Variants in IQCH observed in about 807,000 individuals in gnomAD.
IQCH encodes the protein IQ motif containing H, also known as IQ domain-containing protein H.
Under a neutral mutation model 117.0 loss-of-function variants are expected in IQCH, and 98 were observed. The observed-to-expected ratio is 0.84, with a 90% CI of 0.71 to 0.99. The LOEUF (loss-of-function observed/expected upper bound fraction) is 0.99, where lower values mean the gene tolerates loss of function less well. Ranked by LOEUF, IQCH falls within the 50% of genes least tolerant of loss-of-function variation. The pLI is 0.00. For missense variants in IQCH, 1,102 were observed against 1,243.8 expected, an observed-to-expected ratio of 0.89 and a Z score of 1.72; for synonymous variants, 412 against 448.2, an observed-to-expected ratio of 0.92 and a Z score of 1.02.
At position 67,388,781 on chromosome 15, in the gene IQCH, A is replaced by G; in HGVS notation, c.1457-50A>G. ...CACCAATCGGATGCCAGAGTTCATA[A>G]TGTCATTTACCTTCACACCAGTAAT... On this transcript the variant is annotated intron_variant, in intron 11 of 20. Transcript: ENST00000335894. This position sits in a 1 kb window ranked among gnomAD's most constrained non-coding sequence, Gnocchi z 5.5. 1 of 1,480,288 alleles carries G rather than the reference A, an allele frequency of 6.8e-7. No individual in the cohort carries two copies. Among genetic ancestry groups the G allele is most frequent in the Middle Eastern group, 1.8e-4 (1 of 5,654 alleles). The allele number at this position is 1,480,288 out of a possible 1,614,324, so 91.7% of individuals were successfully genotyped here.
In IQCH at chr15:67,411,341, G is replaced by A. The variant is rs985893200; in HGVS notation, c.2098-5590G>A. 6.6e-5 allele frequency among the ~76,000 whole-genome samples: 10 copies of A among 152,218 alleles called. No individual in the cohort carries two copies. The highest frequency in any genetic ancestry group is 5.8e-4 in the East Asian group (3 of 5,178). On this transcript the variant is annotated intron_variant, in intron 14 of 20. Coordinates refer to ENST00000335894, the MANE Select transcript of IQCH (RefSeq NM_001031715.3). The surrounding 1 kb of genome is among the most constrained non-coding windows in gnomAD (Gnocchi z 4.4). ...TCCCAGTGTGACTGGAGAAGCCCTCGTTCCCTCTTTTGTGACATGAGGCAT... is the reference window on the plus strand; with the variant it reads ...TCCCAGTGTGACTGGAGAAGCCCTCATTCCCTCTTTTGTGACATGAGGCAT...
intron 4 of IQCH, among the ~76,000 whole-genome samples, chr15:67,308,244 G>C (rs1265737683): frequency 1.3e-5 from 2 of 152,216 alleles, no homozygotes; most frequent in African/African-American, 2.4e-5. Flanking sequence ...ACAGATGTGG[G>C]TATTCACTCA....
At chr15:67,335,071 G>A (rs1469973262) in intron 4 of IQCH, among the ~76,000 whole-genome samples, 1 of 151,490 alleles carries the variant, frequency 6.6e-6, no homozygotes, top group Non-Finnish European at 1.5e-5. Flanking sequence ...ACACACACGT[G>A]CACACACACA....
Position 67,376,359 on chromosome 15 carries a change from G to A in IQCH, c.1372+2926G>A, listed in dbSNP as rs970878168. Among the ~76,000 whole-genome samples, 9 of 152,166 alleles carry A rather than the reference G, an allele frequency of 5.9e-5. No individual in the cohort carries two copies. Among genetic ancestry groups the A allele is most frequent in the African/African-American group, 1.9e-4 (8 of 41,434 alleles). On this transcript the variant is annotated intron_variant, in intron 10 of 20. Coordinates refer to ENST00000335894, the MANE Select transcript of IQCH (RefSeq NM_001031715.3). The surrounding 1 kb of genome is among the most constrained non-coding windows in gnomAD (Gnocchi z 5.0). ...AGTGAAGCAAATTTTTTCTCTAAAT[G>A]TACTGGAAGAAAACTAATCTATTCA...
intron 6 of IQCH, among the ~76,000 whole-genome samples, chr15:67,350,416 GTTTTTGTT>G (rs1969603724): frequency 1.3e-5 from 2 of 150,900 alleles, no homozygotes; most frequent in African/African-American, 2.4e-5. Context: ...TATTGGAATT[GTTTTTGTT>G]TTTTTGTTTT....
At chr15:67,333,730 T>G (rs760553074) in intron 4 of IQCH, among the ~76,000 whole-genome samples, 1 of 152,230 alleles carries the variant, frequency 6.6e-6, no homozygotes, top group Non-Finnish European at 1.5e-5. Context: ...ATTGCTGTTT[T>G]CTTCTTTAAG....
chr15:67,309,856 A>G (rs1967497413), intron 4 of IQCH, among the ~76,000 whole-genome samples: 1 of 150,742 alleles, frequency 6.6e-6, no homozygotes, highest in Non-Finnish European at 1.5e-5. Flanking sequence ...AGGTAAGCAA[A>G]TTACATTTCA....
rs554801657 is a variant in IQCH, at chr15:67,456,930, G to A, written c.2506-8197G>A. On this transcript the variant is annotated intron_variant, in intron 16 of 20. Transcript: ENST00000335894. The surrounding 1 kb of genome is among the most constrained non-coding windows in gnomAD (Gnocchi z 5.1). ...TGGTACAGAGATGGAAGCTCTAGTT[G>A]CTCAAAGATAGCTTCGTGGAGCTGT... Among the ~76,000 whole-genome samples the A allele has an allele frequency of 6.6e-6, 1 of 152,248 alleles. No individual in the cohort carries two copies.
At chr15:67,460,444 C>G (rs753370725) in intron 16 of IQCH, among the ~76,000 whole-genome samples, 6 of 152,200 alleles carry the variant, frequency 3.9e-5, no homozygotes, top group Non-Finnish European at 4.4e-5. Context: ...CCTAAATCAT[C>G]AAAAGTTCCT....
At chr15:67,256,558 G>A (rs1373884507) in intron 1 of IQCH, among the ~76,000 whole-genome samples, 1 of 152,178 alleles carries the variant, frequency 6.6e-6, no homozygotes, top group East Asian at 1.9e-4. Flanking sequence ...CATCCCAGGC[G>A]CCTAGAGATC....
intron 17 of IQCH, among the ~76,000 whole-genome samples, chr15:67,470,666 T>A (rs2083051231): frequency 6.6e-6 from 1 of 152,228 alleles, no homozygotes; most frequent in Non-Finnish European, 1.5e-5. Flanking sequence ...AATATACATC[T>A]TCAACTCTTG....
At chr15:67,485,899 G>A (rs1022023402) in intron 18 of IQCH, among the ~76,000 whole-genome samples, 3 of 151,506 alleles carry the variant, frequency 2.0e-5, no homozygotes, top group Non-Finnish European at 4.4e-5. Flanking sequence ...CCTCATGATC[G>A]GCCCGCCTCA....
intron 16 of IQCH, among the ~76,000 whole-genome samples, chr15:67,449,053 C>T (rs1168332434): frequency 8.6e-6 from 1 of 115,612 alleles, no homozygotes; most frequent in African/African-American, 3.4e-5. Flanking sequence ...TATCCTTCGC[C>T]CACTTTTTGA....
chr15:67,298,813 C>T (rs1414612851), intron 4 of IQCH, among the ~76,000 whole-genome samples: 3 of 151,958 alleles, frequency 2.0e-5, no homozygotes, highest in African/African-American at 7.3e-5. Context: ...TTGCAGTGAG[C>T]AGAGATTGTG....
rs749602865 is a variant in IQCH at position 67,417,608 on chromosome 15, A to C, written c.2218+557A>C. ...CAATCCAGGAACAAAGCGAGCCTCC[A>C]TTCCTTTCATCCTCCTCCTCCTACT... On this transcript the variant is annotated intron_variant, in intron 15 of 20. Coordinates refer to ENST00000335894, the MANE Select transcript of IQCH (RefSeq NM_001031715.3). This position sits in a 1 kb window ranked among gnomAD's most constrained non-coding sequence, Gnocchi z 4.3. 6.6e-6 allele frequency among the ~76,000 whole-genome samples: 1 copy of C among 152,176 alleles called. No individual in the cohort carries two copies. Among genetic ancestry groups the C allele is most frequent in the Admixed American group, 6.5e-5 (1 of 15,282 alleles).
chr15:67,262,088 C>A (rs1295494712), intron 2 of IQCH, among the ~76,000 whole-genome samples: 11 of 147,110 alleles, frequency 7.5e-5, no homozygotes, highest in African/African-American at 1.3e-4. Context: ...GACTCTGTCT[C>A]AAAAAAAAAA....
intron 2 of IQCH, among the ~76,000 whole-genome samples, chr15:67,262,585 T>TA (rs892986416): frequency 8.6e-5 from 13 of 151,930 alleles, no homozygotes; most frequent in Admixed American, 2.0e-4. Flanking sequence ...GAAGTCCCTG[T>TA]AAAAAAAAGA....
chr15:67,272,977 A>G (rs1311877033), intron 3 of IQCH, among the ~76,000 whole-genome samples: 10 of 151,984 alleles, frequency 6.6e-5, no homozygotes, highest in African/African-American at 2.2e-4. Flanking sequence ...TGTTTTGTAA[A>G]TTCTCTCTTC....
intron 4 of IQCH, among the ~76,000 whole-genome samples, chr15:67,329,642 T>A (rs28513853): frequency 5.9e-5 from 9 of 152,018 alleles, no homozygotes; most frequent in Non-Finnish European, 8.8e-5. Context: ...TAATTTTTTT[T>A]ATTTTTTGTG....
Sources: allele counts gnomAD v4.1 joint callset (sites outside exome capture counted in the v4.1 genomes callset), GRCh38; gene constraint gnomAD v4.1.1; non-coding constraint Gnocchi (gnomAD v3.1); transcripts MANE v1.5; gene names NCBI Gene and HGNC (gene_info 2026-07-23, HGNC 2026-07-21).